Variants in DPP10 observed in about 807,000 individuals in gnomAD.
DPP10 encodes inactive dipeptidyl peptidase 10.
A neutral mutation model predicts 120.9 loss-of-function variants in DPP10; 33 were observed. The observed-to-expected ratio is 0.27, with a 90% CI of 0.21 to 0.37. The LOEUF (loss-of-function observed/expected upper bound fraction) is 0.37. DPP10 is among the 10% of genes least tolerant of loss of function. The probability of loss-of-function intolerance (pLI) is 1.00; values close to 1 mark genes in which losing one functional copy is unlikely to be tolerated. For synonymous variants in DPP10, 337 were observed against 326.1 expected (o/e 1.03, Z -0.36); for missense variants, 816 against 942.8 (o/e 0.87, Z 1.76).
chr2:114,549,663 CAAAAA>C (rs869226518), intron 1 of DPP10, among the ~76,000 whole-genome samples: 5 of 76,482 alleles, frequency 6.5e-5, no homozygotes, highest in East Asian at 4.9e-4. Flanking sequence ...TGTGTGTCAA[CAAAAA>C]AAAAAAAAAA....
intron 1 of DPP10, among the ~76,000 whole-genome samples, chr2:114,847,980 A>T (rs933508311): frequency 4.6e-5 from 7 of 152,206 alleles, no homozygotes; most frequent in African/African-American, 1.7e-4. Context: ...AATTAGGTCA[A>T]CATCAAAGTA....
At chr2:115,219,675 A>G (rs1671364302) in intron 1 of DPP10, among the ~76,000 whole-genome samples, 1 of 152,196 alleles carries the variant, frequency 6.6e-6, no homozygotes, top group Non-Finnish European at 1.5e-5. Context: ...TAAAGATCAA[A>G]AGAACTTAAT....
At chr2:114,897,907 A>C (rs984197495) in intron 1 of DPP10, among the ~76,000 whole-genome samples, 29 of 152,080 alleles carry the variant, frequency 1.9e-4, no homozygotes, top group African/African-American at 6.5e-4. Flanking sequence ...GTGGGACTGT[A>C]AACTAGTTCA....
intron 1 of DPP10, among the ~76,000 whole-genome samples, chr2:114,484,494 G>T (rs1190223355): frequency 6.6e-6 from 1 of 152,108 alleles, no homozygotes; most frequent in African/African-American, 2.4e-5. Context: ...TGTTTTATCT[G>T]CCACGAGTTA....
intron 3 of DPP10, among the ~76,000 whole-genome samples, chr2:115,430,472 C>G (rs996340539): frequency 6.6e-6 from 1 of 152,100 alleles, no homozygotes; most frequent in East Asian, 1.9e-4. Context: ...ATAATAGTAA[C>G]ATTGAGGCTC....
chr2:115,387,153 G>C (rs1429467221), intron 3 of DPP10, among the ~76,000 whole-genome samples: 1 of 152,082 alleles, frequency 6.6e-6, no homozygotes, highest in Non-Finnish European at 1.5e-5. Flanking sequence ...TCTGTGCTCT[G>C]AGGAGGGGGA....
At chr2:115,647,275 A>C (rs2087346467) in intron 5 of DPP10, among the ~76,000 whole-genome samples, 1 of 152,160 alleles carries the variant, frequency 6.6e-6, no homozygotes, top group East Asian at 1.9e-4. Context: ...TGCCTTCTGA[A>C]TTCTAGAATT....
rs1399872307 is a variant in DPP10 at position 114,831,856 on chromosome 2, A to AT, written c.60+389018_60+389019insT. The stretch of plus-strand genomic sequence containing the variant: ...CTCTTTCTCTCTCTTTAATTAAAAA[A>AT]AATATATATATATATAATATATATG... On this transcript the variant is annotated intron_variant, in intron 1 of 25. Coordinates refer to ENST00000410059, the MANE Select transcript of DPP10 (RefSeq NM_020868.6). Among the ~76,000 whole-genome samples the AT allele has an allele frequency of 1.6e-3, 167 of 103,874 alleles. 1 individual carries two copies. Among genetic ancestry groups the AT allele is most frequent in the South Asian group, 7.0e-3 (19 of 2,730 alleles). 68.1% of individuals were successfully genotyped at this position (103,874 alleles called of 152,430 possible). A position where few individuals can be genotyped will look rare whatever the true frequency, so the allele number is the denominator to read the frequency against.
intron 1 of DPP10, among the ~76,000 whole-genome samples, chr2:114,908,914 A>G (rs909277412): frequency 6.6e-6 from 1 of 151,750 alleles, no homozygotes; most frequent in African/African-American, 2.4e-5. Context: ...AGAAATTTTT[A>G]TCTATATTTG....
At chr2:115,432,273 T>A (rs958999153) in intron 3 of DPP10, among the ~76,000 whole-genome samples, 2 of 152,112 alleles carry the variant, frequency 1.3e-5, no homozygotes, top group African/African-American at 4.8e-5. Flanking sequence ...CGTACTTTAT[T>A]TAAGCTATTA....
chr2:115,066,089 T>C (rs1470347226), intron 1 of DPP10, among the ~76,000 whole-genome samples: 1 of 152,232 alleles, frequency 6.6e-6, no homozygotes, highest in Admixed American at 6.5e-5. Context: ...AGATCCACGT[T>C]ATTGCCTAAG....
chr2:115,644,324 C>T (rs1343194588), intron 5 of DPP10, among the ~76,000 whole-genome samples: 6 of 152,242 alleles, frequency 3.9e-5, no homozygotes, highest in South Asian at 2.1e-4. Flanking sequence ...CCGCCCACTC[C>T]GCAACAGGCC....
At chr2:115,350,281 A>G (rs573552157) in intron 3 of DPP10, among the ~76,000 whole-genome samples, 1 of 152,278 alleles carries the variant, frequency 6.6e-6, no homozygotes, top group South Asian at 2.1e-4. Flanking sequence ...CATTACTTGC[A>G]TATACACACA....
rs575304860 is a variant in DPP10, at chr2:114,710,925, A to G, written c.60+268087A>G. 1.4e-4 allele frequency among the ~76,000 whole-genome samples: 21 copies of G among 152,308 alleles called. No individual in the cohort carries two copies. In the South Asian group the frequency reaches 4.1e-3, roughly 30 times the overall value. ...GCTTTCGACTAAGATAGAGAACACA[A>G]CAGCAGGGGTTAGGATTTTACTTTC... is the stretch of plus-strand genomic sequence containing the variant. On this transcript the variant is annotated intron_variant, in intron 1 of 25. Transcript: ENST00000410059.
At chr2:114,725,449 C>T (rs1701984242) in intron 1 of DPP10, among the ~76,000 whole-genome samples, 1 of 152,162 alleles carries the variant, frequency 6.6e-6, no homozygotes, top group African/African-American at 2.4e-5. Context: ...TTAGCCTTGG[C>T]TCCCTTAGAT....
chr2:115,807,476 G>T (rs936192523), intron 19 of DPP10, among the ~76,000 whole-genome samples: 2 of 152,102 alleles, frequency 1.3e-5, no homozygotes, highest in Non-Finnish European at 2.9e-5. Flanking sequence ...TTGTACTACA[G>T]TACGCGTAAC....
rs2078466856 is a variant in DPP10, at chr2:115,531,571, A to G, written c.441+5599A>G. Among the ~76,000 whole-genome samples the G allele has an allele frequency of 2.6e-5, 4 of 152,204 alleles. No homozygotes were observed. The South Asian group carries it at 8.3e-4, about 32-fold the overall frequency. On this transcript the variant is annotated intron_variant, in intron 5 of 25. Coordinates refer to ENST00000410059, the MANE Select transcript of DPP10 (RefSeq NM_020868.6). ...GTAACAAATTTACCCTTCAAGGTTA[A>G]TGTTTGATCTGTTTTCATTATAGGT...
intron 1 of DPP10, among the ~76,000 whole-genome samples, chr2:114,527,178 T>C (rs1362504727): frequency 2.0e-5 from 3 of 152,202 alleles, no homozygotes; most frequent in Non-Finnish European, 4.4e-5. Flanking sequence ...GACGAGAGTT[T>C]ATTGATTGTT....
At chr2:114,951,769 A>G (rs1697804978) in intron 1 of DPP10, among the ~76,000 whole-genome samples, 1 of 152,090 alleles carries the variant, frequency 6.6e-6, no homozygotes, top group African/African-American at 2.4e-5. Flanking sequence ...ACTCTTAACT[A>G]ATTTCACCTC....
Sources: allele counts gnomAD v4.1 joint callset (sites outside exome capture counted in the v4.1 genomes callset), GRCh38; gene constraint gnomAD v4.1.1; transcripts MANE v1.5; gene names NCBI Gene and HGNC (gene_info 2026-07-23, HGNC 2026-07-21).